KIF21B: variants seen among roughly 807,000 people sequenced by gnomAD.
KIF21B encodes the protein kinesin-like protein KIF21B.
Under a neutral mutation model 192.9 loss-of-function variants are expected in KIF21B, and 85 were observed. That is an observed-to-expected ratio of 0.44 (90% CI 0.37 to 0.53). KIF21B has a LOEUF of 0.53. KIF21B is among the 20% of genes least tolerant of loss of function. The pLI is 0.00. For missense variants in KIF21B, 1,716 were observed against 2,194.8 expected (o/e 0.78, Z 4.36); for synonymous variants, 832 against 884.6 (o/e 0.94, Z 1.05).
At chr1:200,976,652 T>C (rs1655565182) in intron 32 of KIF21B, 124 bp downstream of exon 32, 1 of 561,370 alleles carries the variant, frequency 1.8e-6, no homozygotes, top group African/African-American at 1.9e-5. Context: ...TTCTTTGGGG[T>C]GATTTCTTCA....
chr1:200,978,669 AC>A (rs1460911894), intron 30 of KIF21B, among the ~76,000 whole-genome samples: 1 of 151,882 alleles, frequency 6.6e-6, no homozygotes, highest in Admixed American at 6.6e-5. Flanking sequence ...TGCCCTAAAA[AC>A]CCTCTGTTTA....
intron 15 of KIF21B, 25 bp from the exon 16 acceptor site, chr1:200,992,414 G>A (rs1656764281): frequency 1.2e-6 from 2 of 1,608,678 alleles, no homozygotes; most frequent in Non-Finnish European, 1.7e-6. Context: ...GATTATGGTG[G>A]TGAGACAGGG....
chr1:200,991,632 T>C, intron 17 of KIF21B, 25 bp downstream of exon 17: 1 of 1,612,008 alleles, frequency 6.2e-7, no homozygotes, highest in Non-Finnish European at 8.5e-7. Flanking sequence ...GGCCAGGGCC[T>C]CGCCAGCCCC....
chr1:200,976,558 C>T (rs1189370772), intron 32 of KIF21B, among the ~76,000 whole-genome samples: 2 of 152,234 alleles, frequency 1.3e-5, no homozygotes, highest in Non-Finnish European at 2.9e-5. Context: ...TTATTCTACC[C>T]TTCAACATTT....
At chr1:200,992,455 G>A in intron 15 of KIF21B, 66 bp from the exon 16 acceptor site, 2 of 1,521,278 alleles carry the variant, frequency 1.3e-6, no homozygotes, top group Non-Finnish European at 1.8e-6. Context: ...ACTCTCCAGG[G>A]AGGGGCCAGC....
Position 200,993,765 on chromosome 1 carries a change from CAA to C in KIF21B, c.2278-1378_2278-1377del, listed in dbSNP as rs553024029. Among the ~76,000 whole-genome samples, 50 of 91,706 alleles carry C rather than the reference CAA, an allele frequency of 5.5e-4. 1 individual carries two copies. The highest frequency in any genetic ancestry group is 3.8e-4 in the Non-Finnish European group (14 of 36,858). The allele number at this position is 91,706 out of a possible 152,430, so 60.2% of individuals were successfully genotyped here. A position where few individuals can be genotyped will look rare whatever the true frequency, so the allele number is the denominator to read the frequency against. On this transcript the variant is annotated intron_variant, in intron 15 of 34. Transcript: ENST00000461742. ...ACTCTGCCTTTAAAACAAAACAAAA[CAA>C]AAAAAAAAAAAAAGAGAGAGAAAGA...
At position 200,971,061 on chromosome 1, in the gene KIF21B, C is replaced by T. The variant is rs3738254; in HGVS notation, c.*2460G>A. 6,059 of 152,980 alleles carry T rather than the reference C, an allele frequency of 0.04. 252 individuals are homozygous for T. The highest frequency in any genetic ancestry group is 0.12 in the East Asian group (631 of 5,314). 9.5% of individuals were successfully genotyped at this position (152,980 alleles called of 1,614,324 possible). ...TGTCAAGTCTGCCTGCGGGACCCTG[C>T]CATTGTGCTCAAATCACAACCATTT... On this transcript the variant is annotated 3_prime_UTR_variant, in exon 35 of 35. Transcript: ENST00000461742.
At chr1:200,995,251 T>C (rs1486466437) in intron 15 of KIF21B, among the ~76,000 whole-genome samples, 2 of 152,002 alleles carry the variant, frequency 1.3e-5, no homozygotes, top group Non-Finnish European at 1.5e-5. Context: ...ACTGGGGAGC[T>C]CCCCTTTCCT....
intron 14 of KIF21B, among the ~76,000 whole-genome samples, chr1:200,997,078 T>C (rs991489342): frequency 1.3e-5 from 2 of 152,180 alleles, no homozygotes; most frequent in African/African-American, 4.8e-5. Context: ...CCTGGGATCT[T>C]TAGAACAGTT....
Position 200,998,387 on chromosome 1 carries a change from G to C in KIF21B, c.2074C>G (p.Leu692Val). The change falls in exon 14 of 35, where the codon CTC becomes GTC. Residue 692 changes from leucine to valine, a missense_variant. Leu to Val is a conservative substitution (Grantham distance 32). This residue lies in a region of KIF21B where 1,087 missense variants were observed against 1,316.6 expected (regional missense o/e 0.83). Coordinates refer to ENST00000461742, the MANE Select transcript of KIF21B (RefSeq NM_001252102.2). This position sits in a 1 kb window ranked among gnomAD's most constrained non-coding sequence, Gnocchi z 4.3. ...QLERDRVLQN[L>V]STMECYTEEK... ...AGGGGCATGGCGGTGGCCTCACTGA[G>C]GTTCTGCAGCACACGGTCGCGCTCC... 6.2e-7 allele frequency: 1 copy of C among 1,610,790 alleles called. No individual in the cohort carries two copies. Among genetic ancestry groups the C allele is most frequent in the Non-Finnish European group, 8.5e-7 (1 of 1,178,202 alleles).
At position 200,999,383 on chromosome 1, in the gene KIF21B, G is replaced by A; in HGVS notation, c.1851C>T (p.Ser617=). 2 of 1,614,076 alleles carry A rather than the reference G, an allele frequency of 1.2e-6. No homozygotes were observed. The highest frequency in any genetic ancestry group is 1.7e-6 in the Non-Finnish European group (2 of 1,179,998). Reference sequence around the variant, plus strand: ...CGGGGTCTGAGTCTGAGTCCACCAGGCTCTCTTCACTGCCCGAGTCCTCAT... The same window carrying A: ...CGGGGTCTGAGTCTGAGTCCACCAGACTCTCTTCACTGCCCGAGTCCTCAT... The part of the protein sequence containing the change: ...DEDEDSGSEE[S]LVDSDSDPEE... The change falls in exon 13 of 35, where the codon AGC becomes AGT. Residue 617 remains serine (S), a synonymous_variant. Coordinates refer to ENST00000461742, the MANE Select transcript of KIF21B (RefSeq NM_001252102.2). This position sits in a 1 kb window ranked among gnomAD's most constrained non-coding sequence, Gnocchi z 4.7.
chr1:200,973,330 C>G lies in KIF21B; in HGVS notation c.*191G>C. ...CCAGCCTCTCTCTCACCCAGAGGCT[C>G]CTGAGAGGCAGGGGAGGGATGAGGG... On this transcript the variant is annotated 3_prime_UTR_variant, in exon 35 of 35. Coordinates refer to ENST00000461742, the MANE Select transcript of KIF21B (RefSeq NM_001252102.2). The G allele has an allele frequency of 1.7e-6, 1 of 592,504 alleles. No homozygotes were observed. The highest frequency in any genetic ancestry group is 4.3e-5 in the South Asian group (1 of 23,466). The allele number at this position is 592,504 out of a possible 1,614,324, so 36.7% of individuals were successfully genotyped here. A position where few individuals can be genotyped will look rare whatever the true frequency, so the allele number is the denominator to read the frequency against.
rs10920096 is a variant in KIF21B at position 201,023,447 on chromosome 1, G to A, written c.-64C>T. ...GGGGGTCTGGGGGCCAATGCCCGAG[G>A]CAGCGGCTGCGGCTGCGGGAGGCGG... On this transcript the variant is annotated 5_prime_UTR_variant, in exon 1 of 35. Coordinates refer to ENST00000461742, the MANE Select transcript of KIF21B (RefSeq NM_001252102.2). This position sits in a 1 kb window ranked among gnomAD's most constrained non-coding sequence, Gnocchi z 5.9. 17,434 of 1,237,836 alleles carry A rather than the reference G, an allele frequency of 0.014. 704 individuals are homozygous for A. The highest frequency in any genetic ancestry group is 0.11 in the East Asian group (3,515 of 31,382). 76.7% of individuals were successfully genotyped at this position (1,237,836 alleles called of 1,614,324 possible).
chr1:200,981,076 C>G lies in KIF21B; in HGVS notation c.3863G>C (p.Gly1288Ala), dbSNP rs1185243158. The G allele has an allele frequency of 3.0e-5, 48 of 1,593,062 alleles. No homozygotes were observed. Among genetic ancestry groups the G allele is most frequent in the Non-Finnish European group, 4.0e-5 (47 of 1,173,444 alleles). The change falls in exon 29 of 35, where the codon GGA (glycine) becomes GCA (alanine). Residue 1288 changes from glycine to alanine, a missense_variant. Gly to Ala is a moderately conservative substitution (Grantham distance 60, BLOSUM62 0). Around this residue, in one of 3 missense-constraint regions of KIF21B, gnomAD observed 580 missense variants for 775.5 expected, o/e 0.75. Coordinates refer to ENST00000461742, the MANE Select transcript of KIF21B (RefSeq NM_001252102.2). ...EVLRGIISPV[G>A]GAKGARTAPL... is the part of the protein sequence containing the mutation. Reference sequence around the variant, plus strand: ...GGCCGTCCGTGCACCCTTGGCTCCTCCAACCGGGGAGATGATGCCCCTTCC... The same window carrying G: ...GGCCGTCCGTGCACCCTTGGCTCCTGCAACCGGGGAGATGATGCCCCTTCC...
intron 15 of KIF21B, 48 bp from the exon 16 acceptor site, chr1:200,992,437 T>A (rs1048313941): frequency 1.1e-5 from 17 of 1,586,870 alleles, no homozygotes; most frequent in Non-Finnish European, 1.5e-5. Context: ...GGGAGGCAGG[T>A]GGCCCACACT....
Position 201,005,655 on chromosome 1 carries a change from G to C in KIF21B, c.487C>G (p.Arg163Gly). The C allele has an allele frequency of 1.2e-6, 2 of 1,614,156 alleles. No homozygotes were observed. The highest frequency in any genetic ancestry group is 8.5e-7 in the Non-Finnish European group (1 of 1,180,026). ...CTGCGGTGGCGGGTGTCAGGGTCAC[G>C]GGTGCTGTCAAACAGGTCAAGGATC... The part of the protein sequence containing the change: ...EEILDLFDST[R>G]DPDTRHRRSN... The change falls in exon 4 of 35, where the codon CGT (arginine) becomes GGT (glycine). Residue 163 changes from arginine (R) to glycine (G), a missense_variant. By Grantham distance (125) the Arg-to-Gly change is moderately radical. Transcript: ENST00000461742.
At chr1:201,021,921 A>G (rs1347721343) in intron 1 of KIF21B, among the ~76,000 whole-genome samples, 1 of 152,066 alleles carries the variant, frequency 6.6e-6, no homozygotes, top group African/African-American at 2.4e-5. Flanking sequence ...GACCTCCACA[A>G]GATCCTGCTG....
At chr1:201,003,481 G>A in intron 8 of KIF21B, 105 bp downstream of exon 8, 4 of 1,116,410 alleles carry the variant, frequency 3.6e-6, no homozygotes, top group Middle Eastern at 5.8e-4. Context: ...TAATAGGGAG[G>A]TGGGAGGGAT....
chr1:200,984,793 G>T, intron 27 of KIF21B, 66 bp downstream of exon 27: 1 of 1,243,768 alleles, frequency 8.0e-7, no homozygotes, highest in Non-Finnish European at 1.1e-6. Flanking sequence ...CTCCAGCAAG[G>T]ACCATCCACA....
Sources: gnomAD v4.1 joint callset for allele counts (sites outside exome capture counted in the v4.1 genomes callset) on GRCh38, gnomAD v4.1.1 for gene constraint, gnomAD v4.1.1 regional missense constraint, Gnocchi (gnomAD v3.1) non-coding constraint, MANE v1.5 for transcripts, NCBI Gene and HGNC (gene_info 2026-07-23, HGNC 2026-07-21) for gene names.